RSU1: variants seen among roughly 807,000 people sequenced by gnomAD.
The protein encoded by RSU1 is Ras suppressor protein 1.
Under a neutral mutation model 31.1 loss-of-function variants are expected in RSU1, and 26 were observed. The ratio of observed to expected loss-of-function variants is 0.84; its 90% CI spans 0.61 to 1.16. RSU1 has a LOEUF of 1.16. Ranked by LOEUF, RSU1 falls within the 50% of genes most tolerant of loss-of-function variation. The pLI is 0.00. For missense variants in RSU1, 320 were observed against 339.1 expected, an observed-to-expected ratio of 0.94 and a Z score of 0.44; for synonymous variants, 164 against 136.3, an observed-to-expected ratio of 1.20 and a Z score of -1.41.
intron 8 of RSU1, among the ~76,000 whole-genome samples, chr10:16,664,962 G>C (rs1834961315): frequency 6.6e-6 from 1 of 150,726 alleles, no homozygotes; most frequent in East Asian, 1.9e-4. Context: ...CTTTTTTTCT[G>C]AGACAGATTC....
chr10:16,752,064 G>T (rs998870704), intron 7 of RSU1, among the ~76,000 whole-genome samples: 1 of 152,128 alleles, frequency 6.6e-6, no homozygotes, highest in African/African-American at 2.4e-5. Context: ...TTCACGACCC[G>T]CAGAGGTATC....
At chr10:16,661,263 T>C (rs1344803050) in intron 8 of RSU1, among the ~76,000 whole-genome samples, 3 of 150,220 alleles carry the variant, frequency 2.0e-5, no homozygotes, top group Non-Finnish European at 4.4e-5. Context: ...TCCCTGAGAG[T>C]GTATGTGTGA....
chr10:16,791,167 C>G (rs1173543641), intron 2 of RSU1, among the ~76,000 whole-genome samples: 1 of 151,998 alleles, frequency 6.6e-6, no homozygotes, highest in Non-Finnish European at 1.5e-5. Flanking sequence ...GCTGGGGTTA[C>G]AAGCATGCAC....
chr10:16,594,410 C>A (rs1833569781), intron 8 of RSU1, among the ~76,000 whole-genome samples: 1 of 149,400 alleles, frequency 6.7e-6, no homozygotes, highest in Admixed American at 6.7e-5. Context: ...TGGCGTCCGG[C>A]ATTTTTTTTT....
At chr10:16,801,216 T>C (rs564319263) in intron 2 of RSU1, among the ~76,000 whole-genome samples, 19 of 151,992 alleles carry the variant, frequency 1.3e-4, no homozygotes, top group Admixed American at 9.8e-4. Flanking sequence ...CGCTAAACGC[T>C]AAACAAAAAA....
At chr10:16,685,982 G>A (rs1489811266) in intron 8 of RSU1, among the ~76,000 whole-genome samples, 1 of 152,096 alleles carries the variant, frequency 6.6e-6, no homozygotes, top group African/African-American at 2.4e-5. Flanking sequence ...AATACATTGA[G>A]GCATGGATAA....
chr10:16,781,957 G>A, intron 3 of RSU1, 77 bp downstream of exon 3: 1 of 1,232,072 alleles, frequency 8.1e-7, no homozygotes, highest in Non-Finnish European at 1.2e-6. Context: ...TTCTCCCAAG[G>A]AAACAGTAAC....
At chr10:16,722,019 G>A (rs531328718) in intron 7 of RSU1, among the ~76,000 whole-genome samples, 64 of 152,182 alleles carry the variant, frequency 4.2e-4, no homozygotes, top group Non-Finnish European at 8.8e-4. Context: ...TCTCTTATCC[G>A]TGGTTTCACT....
chr10:16,642,324 C>T (rs139481056), intron 8 of RSU1, among the ~76,000 whole-genome samples: 1,710 of 152,260 alleles, frequency 0.011, 30 homozygotes, highest in African/African-American at 0.039. Flanking sequence ...AGAAAAACAA[C>T]GTGCTGCTCT....
intron 8 of RSU1, among the ~76,000 whole-genome samples, chr10:16,596,854 C>T (rs1339648374): frequency 6.6e-6 from 1 of 152,120 alleles, no homozygotes; most frequent in Admixed American, 6.5e-5. Flanking sequence ...TCCCAAGTAG[C>T]TGGAATTACA....
At chr10:16,731,524 C>T (rs1836512001) in intron 7 of RSU1, among the ~76,000 whole-genome samples, 2 of 151,904 alleles carry the variant, frequency 1.3e-5, no homozygotes, top group Non-Finnish European at 2.9e-5. Flanking sequence ...TCCAAGGGAG[C>T]TTACTGCAAC....
chr10:16,796,398 T>C (rs1364540861), intron 2 of RSU1, among the ~76,000 whole-genome samples: 1 of 152,172 alleles, frequency 6.6e-6, no homozygotes, highest in East Asian at 1.9e-4. Context: ...CTCCCAGTCC[T>C]GCTCCAGTCC....
chr10:16,698,116 T>C (rs1239556538), intron 7 of RSU1, among the ~76,000 whole-genome samples: 1 of 148,378 alleles, frequency 6.7e-6, no homozygotes, highest in Admixed American at 6.9e-5. Context: ...TTGGCAAGCA[T>C]GAGAACAACG....
rs745754993 is a variant in RSU1, at chr10:16,750,195, T to TA, written c.598+2343dup. 1.9e-3 allele frequency among the ~76,000 whole-genome samples: 293 copies of TA among 152,204 alleles called. 3 individuals carry two copies. Among genetic ancestry groups the TA allele is most frequent in the Non-Finnish European group, 2.4e-3 (163 of 67,996 alleles). On this transcript the variant is annotated intron_variant, in intron 7 of 8. Coordinates refer to ENST00000345264, the MANE Select transcript of RSU1 (RefSeq NM_012425.4). ...TAGTAGTATACTAATCTTGACTTTT[T>TA]AAAAAAAATCACCATTCAAAAATAA... is the stretch of plus-strand genomic sequence containing the variant.
At chr10:16,663,690 T>C (rs922721965) in intron 8 of RSU1, among the ~76,000 whole-genome samples, 5 of 152,160 alleles carry the variant, frequency 3.3e-5, no homozygotes, top group African/African-American at 9.7e-5. Flanking sequence ...ACTCTCTTAG[T>C]TTCACATGTG....
intron 8 of RSU1, among the ~76,000 whole-genome samples, chr10:16,670,847 C>T (rs982770227): frequency 9.2e-5 from 14 of 152,194 alleles, no homozygotes; most frequent in Non-Finnish European, 1.6e-4. Flanking sequence ...TCACTACAAC[C>T]TCCACCTCCC....
intron 3 of RSU1, among the ~76,000 whole-genome samples, chr10:16,772,426 C>T (rs45560733): frequency 6.6e-6 from 1 of 151,850 alleles, no homozygotes; most frequent in Non-Finnish European, 1.5e-5. Context: ...TTCTAAATTG[C>T]ACTACAATTC....
chr10:16,620,932 C>A (rs1834058798), intron 8 of RSU1, among the ~76,000 whole-genome samples: 1 of 151,996 alleles, frequency 6.6e-6, no homozygotes, highest in African/African-American at 2.4e-5. Context: ...AACAACAATG[C>A]AAACTGGGCA....
chr10:16,770,405 C>G (rs924620425), intron 3 of RSU1, among the ~76,000 whole-genome samples: 1 of 152,104 alleles, frequency 6.6e-6, no homozygotes, highest in Non-Finnish European at 1.5e-5. Context: ...AACACACACC[C>G]ACGGCTGCCA....
Sources: gnomAD v4.1 joint callset for allele counts (sites outside exome capture counted in the v4.1 genomes callset) on GRCh38, gnomAD v4.1.1 for gene constraint, MANE v1.5 for transcripts, NCBI Gene and HGNC (gene_info 2026-07-23, HGNC 2026-07-21) for gene names.